LRCH1: variants seen among roughly 807,000 people sequenced by gnomAD.
LRCH1 encodes the protein leucine rich repeats and calponin homology domain containing 1, also known as leucine-rich repeat and calponin homology domain-containing protein 1.
In LRCH1, 23 loss-of-function variants were observed where a neutral mutation model predicts 94.9. The observed-to-expected ratio is 0.24, with a 90% CI of 0.17 to 0.34. The LOEUF is 0.34. Among genes scored for constraint, LRCH1 ranks in the 10% least tolerant of loss-of-function variants. The probability of loss-of-function intolerance (pLI) is 1.00; values close to 1 mark genes in which losing one functional copy is unlikely to be tolerated. For synonymous variants in LRCH1, 364 were observed against 354.9 expected, an observed-to-expected ratio of 1.03 and a Z score of -0.29; for missense variants, 790 against 945.9, an observed-to-expected ratio of 0.84 and a Z score of 2.16.
chr13:46,675,649 G>A (rs1047981716), intron 3 of LRCH1, among the ~76,000 whole-genome samples: 8 of 152,118 alleles, frequency 5.3e-5, no homozygotes, highest in African/African-American at 9.7e-5. Context: ...TTATTTGCTT[G>A]GGTAGCGTTC....
chr13:46,636,776 G>A (rs1374731419), intron 1 of LRCH1, among the ~76,000 whole-genome samples: 1 of 152,140 alleles, frequency 6.6e-6, no homozygotes, highest in Non-Finnish European at 1.5e-5. Flanking sequence ...TTGGTTTCCA[G>A]GGACCTTGCT....
At chr13:46,655,693 A>G (rs56223972) in intron 2 of LRCH1, among the ~76,000 whole-genome samples, 12,857 of 152,292 alleles carry the variant, frequency 0.084, 605 homozygotes, top group East Asian at 0.22. Flanking sequence ...AAAATGTACC[A>G]TAGGAAAATA....
At chr13:46,626,862 A>T (rs1040710708) in intron 1 of LRCH1, among the ~76,000 whole-genome samples, 8 of 152,164 alleles carry the variant, frequency 5.3e-5, no homozygotes, top group African/African-American at 7.2e-5. Flanking sequence ...AGATTTTTTT[A>T]AAAAAACAGC....
At chr13:46,617,293 A>AG (rs1171924510) in intron 1 of LRCH1, among the ~76,000 whole-genome samples, 3 of 152,194 alleles carry the variant, frequency 2.0e-5, no homozygotes, top group Admixed American at 6.5e-5. Context: ...ACTTTGGATC[A>AG]GGGGCCAGGA....
chr13:46,644,313 A>G (rs2138068392), intron 1 of LRCH1, among the ~76,000 whole-genome samples: 1 of 152,230 alleles, frequency 6.6e-6, no homozygotes, highest in Non-Finnish European at 1.5e-5. Flanking sequence ...CTTTATTTGC[A>G]CCATTTTTAA....
At chr13:46,726,901 G>GATTT (rs1872848738) in intron 17 of LRCH1, among the ~76,000 whole-genome samples, 1 of 137,080 alleles carries the variant, frequency 7.3e-6, no homozygotes, top group Admixed American at 7.4e-5. Flanking sequence ...CTAAAACAGA[G>GATTT]ATTTAAATAG....
chr13:46,650,815 TC>T (rs1320095267), intron 2 of LRCH1, among the ~76,000 whole-genome samples: 16 of 151,986 alleles, frequency 1.1e-4, no homozygotes, highest in Middle Eastern at 3.4e-3. Context: ...TTGAGCCCAT[TC>T]ACTTTAAGCC....
intron 1 of LRCH1, among the ~76,000 whole-genome samples, chr13:46,623,426 C>G (rs2050903827): frequency 6.6e-6 from 1 of 152,050 alleles, no homozygotes; most frequent in South Asian, 2.1e-4. Context: ...ATTTAAGAGT[C>G]TTAAATAAAA....
Position 46,573,891 on chromosome 13 carries a change from C to T in LRCH1, c.307+20188C>T, listed in dbSNP as rs774132712. On this transcript the variant is annotated intron_variant, in intron 1 of 19. Coordinates refer to ENST00000389797, the MANE Select transcript of LRCH1 (RefSeq NM_001164211.2). ...ATTTTTTTTTTTTTTGAGATGGAGT[C>T]TTACTCTATTCCCCAGACTGGAGCG... Among the ~76,000 whole-genome samples the T allele has an allele frequency of 1.8e-3, 127 of 69,356 alleles. 1 individual carries two copies. The highest frequency in any genetic ancestry group is 2.1e-3 in the Non-Finnish European group (66 of 32,146). The allele number at this position is 69,356 out of a possible 152,430, so 45.5% of individuals were successfully genotyped here.
chr13:46,644,708 A>G (rs2138069024), intron 1 of LRCH1, among the ~76,000 whole-genome samples: 1 of 152,318 alleles, frequency 6.6e-6, no homozygotes, highest in East Asian at 1.9e-4. Context: ...AATTCTCACT[A>G]ACTCAGTGGA....
intron 3 of LRCH1, among the ~76,000 whole-genome samples, chr13:46,676,586 G>A (rs951681164): frequency 4.6e-5 from 7 of 152,216 alleles, no homozygotes; most frequent in Non-Finnish European, 4.4e-5. Context: ...CTGTCAGAAC[G>A]TTTGCATTTT....
At chr13:46,570,346 G>A (rs1416121688) in intron 1 of LRCH1, among the ~76,000 whole-genome samples, 4 of 152,146 alleles carry the variant, frequency 2.6e-5, no homozygotes, top group East Asian at 1.9e-4. Context: ...GCTTGGCATC[G>A]AGATGGTTTA....
intron 3 of LRCH1, among the ~76,000 whole-genome samples, chr13:46,677,128 A>G (rs842369): frequency 0.23 from 34,449 of 151,958 alleles, 5,019 homozygotes; most frequent in African/African-American, 0.41. Flanking sequence ...ACTTCTAGTC[A>G]GCCGGGCACG....
At position 46,744,413 on chromosome 13, in the gene LRCH1, C is replaced by T; in HGVS notation, c.*2565C>T. On this transcript the variant is annotated 3_prime_UTR_variant, in exon 20 of 20. Coordinates refer to ENST00000389797, the MANE Select transcript of LRCH1 (RefSeq NM_001164211.2). ...AGTTTCTCCAACTGGTGGCAACTCT[C>T]CACTCAGTGTCAGGAATTCCAAAAT... 1 of 985,174 alleles carries T rather than the reference C, an allele frequency of 1.0e-6. No individual in the cohort carries two copies. 61.0% of individuals were successfully genotyped at this position (985,174 alleles called of 1,614,324 possible). A position where few individuals can be genotyped will look rare whatever the true frequency, so the allele number is the denominator to read the frequency against.
chr13:46,743,022 A>T lies in LRCH1; in HGVS notation c.*1174A>T. ...AAAAAAGAATTTTATCTTAGCCAGA[A>T]TGTCCCTGGATTCAGGGGTGTCTTT... On this transcript the variant is annotated 3_prime_UTR_variant, in exon 20 of 20. Coordinates refer to ENST00000389797, the MANE Select transcript of LRCH1 (RefSeq NM_001164211.2). 9.1e-6 allele frequency: 9 copies of T among 985,430 alleles called. No homozygotes were observed. The highest frequency in any genetic ancestry group is 1.1e-5 in the Non-Finnish European group (9 of 829,922). The allele number at this position is 985,430 out of a possible 1,614,324, so 61.0% of individuals were successfully genotyped here.
chr13:46,739,592 A>C (rs1473854214), intron 19 of LRCH1, among the ~76,000 whole-genome samples: 5 of 152,128 alleles, frequency 3.3e-5, no homozygotes, highest in African/African-American at 1.2e-4. Context: ...GCCCCATTTC[A>C]AGGGCTGAAA....
intron 7 of LRCH1, among the ~76,000 whole-genome samples, chr13:46,689,893 C>A (rs1022360013): frequency 6.6e-5 from 10 of 152,136 alleles, no homozygotes; most frequent in African/African-American, 2.4e-4. Flanking sequence ...TTAAATGGAG[C>A]TTCTTGGCCT....
intron 17 of LRCH1, 44 bp downstream of exon 17, chr13:46,723,374 A>T (rs1406025275): frequency 2.2e-6 from 3 of 1,363,350 alleles, no homozygotes; most frequent in Non-Finnish European, 3.1e-6. Flanking sequence ...TTTAAGCAAC[A>T]TTCTACATTT....
At chr13:46,732,688 A>G (rs914830063) in intron 18 of LRCH1, among the ~76,000 whole-genome samples, 3 of 152,190 alleles carry the variant, frequency 2.0e-5, no homozygotes, top group African/African-American at 7.2e-5. Context: ...GAGAAACGCT[A>G]GGGTCTTGGC....
Sources: allele counts gnomAD v4.1 joint callset (sites outside exome capture counted in the v4.1 genomes callset), GRCh38; gene constraint gnomAD v4.1.1; transcripts MANE v1.5; gene names NCBI Gene and HGNC (gene_info 2026-07-23, HGNC 2026-07-21).